Variants in HDAC4 observed in about 807,000 individuals in gnomAD.
HDAC4 encodes histone deacetylase A.
HDAC4 carries 16 observed loss-of-function variants against 135.1 expected under a neutral mutation model. The ratio of observed to expected loss-of-function variants is 0.12; its 90% CI spans 0.08 to 0.18. HDAC4 has a LOEUF of 0.18. Ranked by LOEUF, HDAC4 falls within the 10% of genes least tolerant of loss-of-function variation. The pLI is 1.00. For synonymous variants in HDAC4, 685 were observed against 653.4 expected (o/e 1.05, Z -0.74); for missense variants, 1,143 against 1,511.8 (o/e 0.76, Z 4.05).
chr2:239,121,162 G>T (rs1173614902), intron 12 of HDAC4, among the ~76,000 whole-genome samples: 1 of 152,090 alleles, frequency 6.6e-6, no homozygotes, highest in Non-Finnish European at 1.5e-5. Context: ...TCACCAGGTT[G>T]CCCAGGCTGG....
chr2:239,221,867 G>A (rs778531559), intron 3 of HDAC4, among the ~76,000 whole-genome samples: 5 of 152,158 alleles, frequency 3.3e-5, no homozygotes, highest in African/African-American at 4.8e-5. Flanking sequence ...AAGCTATCAC[G>A]AACTTTGAGG....
chr2:239,059,748 G>A (rs375682860), intron 24 of HDAC4, among the ~76,000 whole-genome samples: 2 of 152,174 alleles, frequency 1.3e-5, no homozygotes, highest in African/African-American at 2.4e-5. Context: ...CTCCTCCAGA[G>A]GACAGGGAGA....
intron 2 of HDAC4, among the ~76,000 whole-genome samples, chr2:239,241,735 C>T (rs915167197): frequency 1.3e-5 from 2 of 152,110 alleles, no homozygotes; most frequent in Non-Finnish European, 2.9e-5. Context: ...TGTTTGTATA[C>T]GCTATGAGAC....
intron 2 of HDAC4, among the ~76,000 whole-genome samples, chr2:239,280,124 G>A (rs927953126): frequency 1.3e-5 from 2 of 152,088 alleles, no homozygotes; most frequent in African/African-American, 4.8e-5. Context: ...TGCCACTTGA[G>A]ACATGTGCTG....
At chr2:239,365,589 C>CAG (rs35488831) in intron 1 of HDAC4, among the ~76,000 whole-genome samples, 25,753 of 152,230 alleles carry the variant, frequency 0.17, 2,385 homozygotes, top group Middle Eastern at 0.22. Flanking sequence ...GGGACACACA[C>CAG]ACACACTTGC....
At chr2:239,392,431 T>C (rs1305360013) in intron 1 of HDAC4, among the ~76,000 whole-genome samples, 1 of 152,136 alleles carries the variant, frequency 6.6e-6, no homozygotes, top group Non-Finnish European at 1.5e-5. Flanking sequence ...CAAAATCTGA[T>C]GTAAATTTTA....
In HDAC4 at chr2:239,176,473, C is replaced by A. The variant is rs1459579149; in HGVS notation, c.430G>T (p.Glu144Ter). ...AGCTTCTGCTCCCGGTGCTGCTTCT[C>A]CAGCTCCTGCTCCTGGCGGTGCCTC... ...LERHRQEQEL[E>*]KQHREQKLQQ... Residue 144 changes from glutamate to a stop codon, truncating the protein, a stop_gained, in exon 5 of 27, where the codon GAG (glutamate) becomes TAG (stop). Transcript: ENST00000543185. LOFTEE classifies it high-confidence loss of function. The A allele has an allele frequency of 6.2e-7, 1 of 1,613,322 alleles. No homozygotes were observed. The highest frequency in any genetic ancestry group is 8.5e-7 in the Non-Finnish European group (1 of 1,179,760).
intron 20 of HDAC4, among the ~76,000 whole-genome samples, chr2:239,083,247 G>A (rs1462291136): frequency 1.3e-5 from 2 of 152,338 alleles, no homozygotes; most frequent in East Asian, 3.9e-4. Flanking sequence ...TTTGGGGATG[G>A]GTCCCCAGTC....
chr2:239,098,011 C>G (rs2037272341), intron 16 of HDAC4, among the ~76,000 whole-genome samples: 1 of 152,230 alleles, frequency 6.6e-6, no homozygotes. Context: ...ACACACGTGT[C>G]CAGGTATCTG....
rs116315465 is a variant in HDAC4 at position 239,382,505 on chromosome 2, T to C, written c.-220+18473A>G. Among the ~76,000 whole-genome samples, 638 of 152,340 alleles carry C rather than the reference T, an allele frequency of 4.2e-3. 1 individual carries two copies. Among genetic ancestry groups the C allele is most frequent in the Non-Finnish European group, 7.2e-3 (491 of 68,018 alleles). The stretch of plus-strand genomic sequence containing the variant: ...TTTCTACTTTGTGCCTTTCTGATCA[T>C]GTAATGGGTAGGACCACCCAGAGTG... On this transcript the variant is annotated intron_variant, in intron 1 of 26. Coordinates refer to ENST00000543185, the MANE Select transcript of HDAC4 (RefSeq NM_001378414.1).
chr2:239,153,318 G>C (rs1017694789), intron 7 of HDAC4, among the ~76,000 whole-genome samples: 1 of 152,218 alleles, frequency 6.6e-6, no homozygotes, highest in Admixed American at 6.5e-5. Flanking sequence ...TGTGTGCCGG[G>C]TCAGGATAAG....
intron 4 of HDAC4, among the ~76,000 whole-genome samples, chr2:239,188,016 T>G (rs1432928644): frequency 6.6e-6 from 1 of 152,190 alleles, no homozygotes; most frequent in Non-Finnish European, 1.5e-5. Context: ...AGCCAACAAA[T>G]GCCAAGGCAA....
chr2:239,154,570 C>A (rs1426616611), intron 7 of HDAC4: 2 of 152,148 alleles, frequency 1.3e-5, no homozygotes, highest in Non-Finnish European at 2.9e-5. Flanking sequence ...ATGTTCCTTG[C>A]CTCCCCATTC....
chr2:239,284,942 T>A (rs2051050279), intron 2 of HDAC4, among the ~76,000 whole-genome samples: 1 of 151,732 alleles, frequency 6.6e-6, no homozygotes, highest in Admixed American at 6.6e-5. Context: ...CAGAGACAAG[T>A]GACAAAACTT....
rs551357195 is a variant in HDAC4, at chr2:239,364,108, T to G, written c.-219-11190A>C. On this transcript the variant is annotated intron_variant, in intron 1 of 26. Coordinates refer to ENST00000543185, the MANE Select transcript of HDAC4 (RefSeq NM_001378414.1). The stretch of plus-strand genomic sequence containing the variant: ...GGTTGGCCGGCACTCACACACGAGG[T>G]TACAAAACAGTCAACGGCACACACC... Among the ~76,000 whole-genome samples, 7 of 152,004 alleles carry G rather than the reference T, an allele frequency of 4.6e-5. No individual in the cohort carries two copies. In the South Asian group the frequency reaches 1.5e-3, roughly 32 times the overall value.
At chr2:239,289,985 G>A (rs1190303739) in intron 2 of HDAC4, among the ~76,000 whole-genome samples, 1 of 152,124 alleles carries the variant, frequency 6.6e-6, no homozygotes, top group South Asian at 2.1e-4. Flanking sequence ...AAACAAATGA[G>A]AGAATAAAAT....
In HDAC4 at chr2:239,262,892, C is replaced by T. The variant is rs1295678204; in HGVS notation, c.23-26228G>A. 6.6e-6 allele frequency among the ~76,000 whole-genome samples: 1 copy of T among 152,090 alleles called. No individual in the cohort carries two copies. The highest frequency in any genetic ancestry group is 1.5e-5 in the Non-Finnish European group (1 of 68,014). ...GAGCGTGAGGCTCTAAGGAGTGGAT[C>T]CCTCACTGGAAGGTCACGGCACCAC... is the stretch of plus-strand genomic sequence containing the variant. On this transcript the variant is annotated intron_variant, in intron 2 of 26. Transcript: ENST00000543185. The surrounding 1 kb of genome is among the most constrained non-coding windows in gnomAD (Gnocchi z 4.1).
chr2:239,273,171 C>G (rs2125258403), intron 2 of HDAC4, among the ~76,000 whole-genome samples: 1 of 152,280 alleles, frequency 6.6e-6, no homozygotes, highest in Non-Finnish European at 1.5e-5. Flanking sequence ...TGTCTTGTCA[C>G]AGCAGAGCAA....
chr2:239,118,176 C>T (rs548798447), intron 12 of HDAC4, among the ~76,000 whole-genome samples: 1 of 152,236 alleles, frequency 6.6e-6, no homozygotes, highest in South Asian at 2.1e-4. Flanking sequence ...TCAGAGACTT[C>T]AGATTGGGCG....
Sources: allele counts gnomAD v4.1 joint callset (sites outside exome capture counted in the v4.1 genomes callset), GRCh38; gene constraint gnomAD v4.1.1; non-coding constraint Gnocchi (gnomAD v3.1); transcripts MANE v1.5; gene names NCBI Gene and HGNC (gene_info 2026-07-23, HGNC 2026-07-21).